Variants in CYP27A1 observed in about 807,000 individuals in gnomAD.
CYP27A1 encodes cytochrome P450 family 27 subfamily A member 1, also known as sterol 26-hydroxylase, mitochondrial.
CYP27A1 carries 46 observed loss-of-function variants against 58.2 expected under a neutral mutation model. The ratio of observed to expected loss-of-function variants is 0.79; its 90% CI spans 0.62 to 1.01. The LOEUF (loss-of-function observed/expected upper bound fraction) is 1.01, where lower values mean the gene tolerates loss of function less well. CYP27A1 is among the 50% of genes least tolerant of loss of function. The probability of loss-of-function intolerance (pLI) is 0.00; values close to 1 mark genes in which losing one functional copy is unlikely to be tolerated. For missense variants in CYP27A1, 704 were observed against 687.0 expected, an observed-to-expected ratio of 1.02 and a Z score of -0.28; for synonymous variants, 274 against 285.1, an observed-to-expected ratio of 0.96 and a Z score of 0.39.
chr2:218,784,857 A>G (rs1943427244), intron 1 of CYP27A1, among the ~76,000 whole-genome samples: 3 of 152,156 alleles, frequency 2.0e-5, no homozygotes. Flanking sequence ...ATACTGAGAG[A>G]TGGTTTTGAA....
intron 2 of CYP27A1, among the ~76,000 whole-genome samples, chr2:218,811,975 A>G (rs1008969745): frequency 6.6e-6 from 1 of 151,712 alleles, no homozygotes; most frequent in African/African-American, 2.4e-5. Context: ...CTGTGATTTG[A>G]CCCTAGACAG....
chr2:218,812,069 A>G (rs1943722199), intron 2 of CYP27A1, among the ~76,000 whole-genome samples, 153 bp from the exon 3 acceptor site: 2 of 152,096 alleles, frequency 1.3e-5, no homozygotes, highest in Non-Finnish European at 2.9e-5. Flanking sequence ...CTGTCACTTG[A>G]GATTTTGGTG....
intron 1 of CYP27A1, among the ~76,000 whole-genome samples, chr2:218,798,663 A>C (rs1229647347): frequency 6.6e-6 from 1 of 152,140 alleles, no homozygotes; most frequent in Non-Finnish European, 1.5e-5. Context: ...CGGATGGATC[A>C]CTTGAGTCTA....
At chr2:218,806,597 T>C (rs563792513) in intron 1 of CYP27A1, among the ~76,000 whole-genome samples, 4 of 152,384 alleles carry the variant, frequency 2.6e-5, no homozygotes, top group African/African-American at 9.6e-5. Context: ...TTCAAGGGCC[T>C]ACGTTTGTTT....
chr2:218,815,086 G>A lies in CYP27A1; in HGVS notation c.*56G>A, dbSNP rs1943776906. On this transcript the variant is annotated 3_prime_UTR_variant, in exon 9 of 9. Coordinates refer to ENST00000258415, the MANE Select transcript of CYP27A1 (RefSeq NM_000784.4). ...TAGAGGCTCCAGCTCTGGCACAGTG[G>A]TTCCTGGCTGCTGCCATGTCTCAGA... 6.2e-7 allele frequency: 1 copy of A among 1,610,638 alleles called. No individual in the cohort carries two copies.
At chr2:218,794,246 A>G (rs1943524528) in intron 1 of CYP27A1, among the ~76,000 whole-genome samples, 1 of 152,034 alleles carries the variant, frequency 6.6e-6, no homozygotes, top group Admixed American at 6.6e-5. Flanking sequence ...CTCATTCCCC[A>G]CTCTAAAGAA....
In CYP27A1 at chr2:218,812,616, C is replaced by A; in HGVS notation, c.711C>A (p.Thr237=). The A allele has an allele frequency of 1.2e-6, 2 of 1,614,210 alleles. No homozygotes were observed. The highest frequency in any genetic ancestry group is 1.7e-6 in the Non-Finnish European group (2 of 1,180,036). ...TGCAGCGATCCATCCCCGAGGACAC[C>A]GTGACCTTCGTCAGATCCATCGGGT... ...GCLQRSIPED[T]VTFVRSIGLM... The change falls in exon 4 of 9, where the codon ACC becomes ACA. Residue 237 remains threonine, a synonymous_variant. Transcript: ENST00000258415.
intron 1 of CYP27A1, among the ~76,000 whole-genome samples, chr2:218,806,490 A>G (rs558720341): frequency 1.2e-4 from 19 of 152,278 alleles, no homozygotes; most frequent in Non-Finnish European, 2.6e-4. Flanking sequence ...TGTCGGCTAC[A>G]ACATAGAATT....
intron 1 of CYP27A1, among the ~76,000 whole-genome samples, chr2:218,784,178 T>A (rs577508362): frequency 3.4e-4 from 52 of 152,286 alleles, no homozygotes; most frequent in African/African-American, 1.2e-3. Context: ...TCCTCTGCCC[T>A]GTCCTGGTGG....
intron 1 of CYP27A1, among the ~76,000 whole-genome samples, chr2:218,783,826 G>A (rs1943417761): frequency 6.6e-6 from 1 of 152,152 alleles, no homozygotes; most frequent in Non-Finnish European, 1.5e-5. Flanking sequence ...CTGGGAAGGA[G>A]TCAAAAGTAA....
chr2:218,785,718 C>A (rs1337618076), intron 1 of CYP27A1, among the ~76,000 whole-genome samples: 1 of 152,064 alleles, frequency 6.6e-6, no homozygotes, highest in Non-Finnish European at 1.5e-5. Context: ...GGCACACGAA[C>A]CTGGGCCATC....
chr2:218,814,762 G>T lies in CYP27A1; in HGVS notation c.1476+5G>T. ...ATGCAGCTACTCCTCGCAAGGGTGAGCTGGGAGAGGCTAGTAGGGTGTGTG... is the reference window on the plus strand; with the variant it reads ...ATGCAGCTACTCCTCGCAAGGGTGATCTGGGAGAGGCTAGTAGGGTGTGTG... On this transcript the variant is annotated splice_donor_5th_base_variant and intron_variant, in intron 8 of 8. Coordinates refer to ENST00000258415, the MANE Select transcript of CYP27A1 (RefSeq NM_000784.4). The T allele has an allele frequency of 1.9e-6, 3 of 1,614,104 alleles. No individual in the cohort carries two copies. The highest frequency in any genetic ancestry group is 2.5e-6 in the Non-Finnish European group (3 of 1,180,018).
intron 1 of CYP27A1, among the ~76,000 whole-genome samples, chr2:218,791,944 A>T (rs562312857): frequency 6.6e-6 from 1 of 152,302 alleles, no homozygotes; most frequent in South Asian, 2.1e-4. Context: ...ATCCCTCTAT[A>T]AATGTTTAAA....
chr2:218,795,664 C>T (rs1432937042), intron 1 of CYP27A1, among the ~76,000 whole-genome samples: 4 of 152,198 alleles, frequency 2.6e-5, no homozygotes, highest in African/African-American at 9.6e-5. Context: ...TTCACAGGAG[C>T]AGGCAGGGTT....
chr2:218,785,612 G>A (rs1442228585), intron 1 of CYP27A1, among the ~76,000 whole-genome samples: 3 of 152,052 alleles, frequency 2.0e-5, no homozygotes, highest in Non-Finnish European at 4.4e-5. Context: ...GGAAGCAGGG[G>A]AAAGTCAGGA....
At chr2:218,788,071 A>G (rs1197613472) in intron 1 of CYP27A1, among the ~76,000 whole-genome samples, 1 of 152,264 alleles carries the variant, frequency 6.6e-6, no homozygotes, top group Admixed American at 6.5e-5. Flanking sequence ...GTGGGCCTTC[A>G]GCTCAAATGG....
In CYP27A1 at chr2:218,809,733, G is replaced by A. The variant is rs764118885; in HGVS notation, c.412G>A (p.Asp138Asn). The A allele has an allele frequency of 1.2e-6, 2 of 1,613,938 alleles. No individual in the cohort carries two copies. Among genetic ancestry groups the A allele is most frequent in the Admixed American group, 3.3e-5 (2 of 60,012 alleles). Residue 138 changes from aspartate to asparagine, a missense_variant, in exon 2 of 9, where the codon GAC (aspartate) becomes AAC (asparagine). Asp to Asn is a conservative substitution (Grantham distance 23). Transcript: ENST00000258415. ...CATGGAGCTATGGAAGGAGCACCGG[G>A]ACCAGCACGACCTGACCTATGGGCC... The part of the protein sequence containing the change: ...NDMELWKEHR[D>N]QHDLTYGPFT...
At chr2:218,803,480 C>G (rs1400998755) in intron 1 of CYP27A1, among the ~76,000 whole-genome samples, 1 of 152,110 alleles carries the variant, frequency 6.6e-6, no homozygotes, top group Non-Finnish European at 1.5e-5. Flanking sequence ...GGCTGGAGTG[C>G]AGTAGTGCGA....
At chr2:218,797,024 T>G (rs1194670481) in intron 1 of CYP27A1, among the ~76,000 whole-genome samples, 1 of 152,220 alleles carries the variant, frequency 6.6e-6, no homozygotes, top group Non-Finnish European at 1.5e-5. Flanking sequence ...CCCAGGGTAG[T>G]TACAGTTAGA....
Sources: gnomAD v4.1 joint callset for allele counts (sites outside exome capture counted in the v4.1 genomes callset) on GRCh38, gnomAD v4.1.1 for gene constraint, MANE v1.5 for transcripts, NCBI Gene and HGNC (gene_info 2026-07-23, HGNC 2026-07-21) for gene names.